The following SVOPL variants were observed in gnomAD, a reference collection of about 807,000 sequenced individuals.
The protein encoded by SVOPL is SVOP like.
In SVOPL, 60 loss-of-function variants were observed where a neutral mutation model predicts 61.0. That is an observed-to-expected ratio of 0.98 (90% CI 0.80 to 1.22). SVOPL has a LOEUF of 1.22. Among genes scored for constraint, SVOPL ranks in the 50% most tolerant of loss-of-function variants. SVOPL has a pLI of 0.00. For synonymous variants in SVOPL, 279 were observed against 250.0 expected (o/e 1.12, Z -1.09); for missense variants, 662 against 643.9 (o/e 1.03, Z -0.30).
chr7:138,691,436 G>A (rs773863993), intron 1 of SVOPL, among the ~76,000 whole-genome samples: 28 of 152,140 alleles, frequency 1.8e-4, no homozygotes, highest in Non-Finnish European at 3.5e-4. Context: ...TTTTAGAGGG[G>A]CACTAAAACA....
At chr7:138,684,224 G>A (rs1802757545) in intron 1 of SVOPL, among the ~76,000 whole-genome samples, 1 of 151,834 alleles carries the variant, frequency 6.6e-6, no homozygotes, top group Non-Finnish European at 1.5e-5. Flanking sequence ...AACTAGCAGG[G>A]CACGATGGTG....
chr7:138,603,202 G>C (rs745523409), intron 14 of SVOPL, among the ~76,000 whole-genome samples: 3 of 152,074 alleles, frequency 2.0e-5, no homozygotes, highest in Non-Finnish European at 4.4e-5. Flanking sequence ...TAACTTACAG[G>C]TCACATTTGA....
At chr7:138,655,506 A>T (rs1199059933) in intron 7 of SVOPL, among the ~76,000 whole-genome samples, 1 of 152,100 alleles carries the variant, frequency 6.6e-6, no homozygotes, top group Admixed American at 6.6e-5. Context: ...ACTCCATTTC[A>T]AAAAATAAAA....
intron 1 of SVOPL, among the ~76,000 whole-genome samples, chr7:138,695,021 G>A (rs1395010759): frequency 6.6e-6 from 1 of 152,136 alleles, no homozygotes; most frequent in African/African-American, 2.4e-5. Flanking sequence ...TTACAGGCAT[G>A]AGCCACCACG....
chr7:138,698,962 G>A (rs959131281), intron 1 of SVOPL, among the ~76,000 whole-genome samples: 1 of 152,120 alleles, frequency 6.6e-6, no homozygotes, highest in Non-Finnish European at 1.5e-5. Flanking sequence ...ACCAGCCTGG[G>A]GAACACGGTG....
At chr7:138,668,343 T>C (rs2117102946) in intron 4 of SVOPL, among the ~76,000 whole-genome samples, 1 of 152,300 alleles carries the variant, frequency 6.6e-6, no homozygotes, top group Admixed American at 6.5e-5. Context: ...CTGTGGGAAT[T>C]ACTCCTTCTC....
At chr7:138,671,758 C>T (rs554452861) in intron 4 of SVOPL, among the ~76,000 whole-genome samples, 3 of 152,172 alleles carry the variant, frequency 2.0e-5, no homozygotes, top group Admixed American at 2.0e-4. Flanking sequence ...TCTTTAGTGA[C>T]CCGATTTAAC....
At chr7:138,684,270 C>T (rs905261847) in intron 1 of SVOPL, among the ~76,000 whole-genome samples, 5 of 150,104 alleles carry the variant, frequency 3.3e-5, no homozygotes, top group Non-Finnish European at 5.9e-5. Flanking sequence ...GAGGCTGAGG[C>T]GGGAGAATCA....
chr7:138,679,094 G>A lies in SVOPL; in HGVS notation c.-34-15C>T, dbSNP rs1282090232. Reference sequence around the variant, plus strand: ...AAACAGCTTCCCTGGTGGAAGCAAGGGAGGGAAGAAGGAAAGAAATATAAT... The same window carrying A: ...AAACAGCTTCCCTGGTGGAAGCAAGAGAGGGAAGAAGGAAAGAAATATAAT... On this transcript the variant is annotated splice_polypyrimidine_tract_variant and intron_variant, in intron 1 of 15. Coordinates refer to ENST00000674285, the MANE Select transcript of SVOPL (RefSeq NM_001139456.2). The A allele has an allele frequency of 1.3e-6, 2 of 1,488,812 alleles. No homozygotes were observed. The highest frequency in any genetic ancestry group is 1.8e-6 in the Non-Finnish European group (2 of 1,091,656). The allele number at this position is 1,488,812 out of a possible 1,614,324, so 92.2% of individuals were successfully genotyped here.
At chr7:138,607,954 A>G (rs1344814769) in intron 14 of SVOPL, among the ~76,000 whole-genome samples, 1 of 152,250 alleles carries the variant, frequency 6.6e-6, no homozygotes, top group Non-Finnish European at 1.5e-5. Context: ...CCTTCTAAAT[A>G]TAGATAACTA....
rs185315608 is a variant in SVOPL, at chr7:138,636,432, T to C, written c.790-6310A>G. ...AAGATACTGATTCTCTCTACATTAT[T>C]AGCCTATAATGTCAACAAAATCTCA... is the stretch of plus-strand genomic sequence containing the variant. On this transcript the variant is annotated intron_variant, in intron 9 of 15. Transcript: ENST00000674285. 3.3e-5 allele frequency among the ~76,000 whole-genome samples: 5 copies of C among 151,674 alleles called. No homozygotes were observed. In the East Asian group the frequency reaches 9.7e-4, roughly 29 times the overall value.
chr7:138,620,119 G>GTTTTTTTTTT (rs375556204), intron 14 of SVOPL, among the ~76,000 whole-genome samples: 18 of 114,584 alleles, frequency 1.6e-4, no homozygotes, highest in Middle Eastern at 4.5e-3. Context: ...TTTTTTTTCT[G>GTTTTTTTTTT]TTTTGTTTTT....
intron 9 of SVOPL, among the ~76,000 whole-genome samples, chr7:138,634,505 A>T (rs1625451): frequency 8.6e-5 from 13 of 151,530 alleles, no homozygotes; most frequent in Admixed American, 3.3e-4. Flanking sequence ...AAAATTAGCC[A>T]GGTGTGGTGG....
At chr7:138,688,207 T>C (rs1382868049) in intron 1 of SVOPL, among the ~76,000 whole-genome samples, 1 of 152,024 alleles carries the variant, frequency 6.6e-6, no homozygotes, top group Non-Finnish European at 1.5e-5. Flanking sequence ...TCATTGGTCA[T>C]TCGGGAAATG....
intron 14 of SVOPL, among the ~76,000 whole-genome samples, chr7:138,600,030 T>G (rs1419131922): frequency 1.3e-5 from 2 of 152,106 alleles, no homozygotes; most frequent in Non-Finnish European, 2.9e-5. Context: ...ACAAACACCT[T>G]AAGTGAAAAT....
At chr7:138,659,740 A>T in intron 6 of SVOPL, 124 bp downstream of exon 6, 3 of 1,000,934 alleles carry the variant, frequency 3.0e-6, no homozygotes, top group Non-Finnish European at 4.4e-6. Flanking sequence ...TTCTAAATGG[A>T]CTGAAACCTG....
intron 14 of SVOPL, among the ~76,000 whole-genome samples, chr7:138,599,299 T>C (rs1166527796): frequency 1.3e-5 from 2 of 152,068 alleles, no homozygotes; most frequent in Non-Finnish European, 2.9e-5. Context: ...TGTGGGGGTA[T>C]AGGGAGTCAG....
intron 13 of SVOPL, among the ~76,000 whole-genome samples, chr7:138,624,314 T>A (rs1166097351): frequency 6.6e-6 from 1 of 152,224 alleles, no homozygotes; most frequent in Non-Finnish European, 1.5e-5. Flanking sequence ...TTTCATCTCC[T>A]TTTAATATGG....
chr7:138,628,926 A>C (rs540790273), intron 10 of SVOPL, among the ~76,000 whole-genome samples: 1 of 152,244 alleles, frequency 6.6e-6, no homozygotes, highest in East Asian at 1.9e-4. Flanking sequence ...TCATCCCAGC[A>C]CTTTGGGAGG....
Sources: gnomAD v4.1 joint callset for allele counts (sites outside exome capture counted in the v4.1 genomes callset) on GRCh38, gnomAD v4.1.1 for gene constraint, MANE v1.5 for transcripts, NCBI Gene and HGNC (gene_info 2026-07-23, HGNC 2026-07-21) for gene names.